Variants in OLFML2A observed in about 807,000 individuals in gnomAD.
OLFML2A encodes the protein olfactomedin like 2A.
In OLFML2A, 47 loss-of-function variants were observed where a neutral mutation model predicts 60.9. The observed-to-expected ratio is 0.77, with a 90% confidence interval of 0.61 to 0.98. The LOEUF is 0.98. Among genes scored for constraint, OLFML2A ranks in the 50% least tolerant of loss-of-function variants. The pLI, the probability that OLFML2A is intolerant of heterozygous loss-of-function variation, is 0.00. For synonymous variants in OLFML2A, 372 were observed against 375.0 expected (o/e 0.99, Z 0.09); for missense variants, 922 against 879.8 (o/e 1.05, Z -0.61).
intron 2 of OLFML2A, among the ~76,000 whole-genome samples, chr9:124,789,619 C>A (rs990181641): frequency 6.6e-6 from 1 of 152,244 alleles, no homozygotes; most frequent in Non-Finnish European, 1.5e-5. Flanking sequence ...GTTCACTCTA[C>A]AGCTAGATGG....
At position 124,810,414 on chromosome 9, in the gene OLFML2A, TG is replaced by T; in HGVS notation, c.*4del. 1 of 1,589,654 alleles carries T rather than the reference TG, an allele frequency of 6.3e-7. No individual in the cohort carries two copies. The highest frequency in any genetic ancestry group is 8.5e-7 in the Non-Finnish European group (1 of 1,172,572). ...TACACCCTCCACTTCGTGGTCTGAGTGGAGACCTGTGCTCCCCGGAGAGGGG... is the reference window on the plus strand; with the variant it reads ...TACACCCTCCACTTCGTGGTCTGAGTGAGACCTGTGCTCCCCGGAGAGGGG... On this transcript the variant is annotated 3_prime_UTR_variant, in exon 8 of 8. Transcript: ENST00000373580.
intron 2 of OLFML2A, among the ~76,000 whole-genome samples, chr9:124,790,378 T>C (rs1012221221): frequency 1.3e-5 from 2 of 152,132 alleles, no homozygotes; most frequent in African/African-American, 4.8e-5. Flanking sequence ...TTTCGCCATG[T>C]TGGCCAGGCT....
At chr9:124,792,172 G>C (rs1170900126) in intron 2 of OLFML2A, among the ~76,000 whole-genome samples, 1 of 152,128 alleles carries the variant, frequency 6.6e-6, no homozygotes, top group Non-Finnish European at 1.5e-5. Flanking sequence ...CAACTGTGTG[G>C]CACTACCTGT....
At chr9:124,798,791 T>C (rs568576555) in intron 3 of OLFML2A, among the ~76,000 whole-genome samples, 1 of 151,940 alleles carries the variant, frequency 6.6e-6, no homozygotes, top group East Asian at 1.9e-4. Context: ...AAATAAATTA[T>C]GGCCTTTAAG....
intron 5 of OLFML2A, 21 bp downstream of exon 5, chr9:124,801,684 G>T (rs752297939): frequency 1.2e-6 from 2 of 1,608,018 alleles, no homozygotes; most frequent in East Asian, 4.5e-5. Flanking sequence ...GGGGAATGGG[G>T]ACCCTGGGGA....
chr9:124,795,733 C>A (rs1157233200), intron 3 of OLFML2A, among the ~76,000 whole-genome samples: 2 of 152,168 alleles, frequency 1.3e-5, no homozygotes, highest in Admixed American at 1.3e-4. Flanking sequence ...CGAGATCGTG[C>A]CACAGCCTGG....
At chr9:124,809,038 G>C (rs1042932519) in intron 7 of OLFML2A, among the ~76,000 whole-genome samples, 1 of 151,900 alleles carries the variant, frequency 6.6e-6, no homozygotes, top group Non-Finnish European at 1.5e-5. Flanking sequence ...GTGGTGGCAG[G>C]CGCCTGTAAT....
In OLFML2A at chr9:124,795,138, G is replaced by T. The variant is rs1375293440; in HGVS notation, c.462+7G>T. 1.3e-6 allele frequency: 2 copies of T among 1,550,394 alleles called. No homozygotes were observed. The highest frequency in any genetic ancestry group is 3.5e-5 in the Admixed American group (2 of 56,952). ...GATGAACACACTGGAAGAGGTAAGG[G>T]CGGGGCTGCCGCCAGAGGCCAGGCT... is the stretch of plus-strand genomic sequence containing the variant. On this transcript the variant is annotated splice_region_variant and intron_variant, in intron 3 of 7. Transcript: ENST00000373580.
chr9:124,790,281 C>T (rs536503116), intron 2 of OLFML2A, among the ~76,000 whole-genome samples: 2 of 152,222 alleles, frequency 1.3e-5, no homozygotes, highest in East Asian at 3.9e-4. Context: ...AAGTGATTCT[C>T]ATCTCAGCCT....
Position 124,810,136 on chromosome 9 carries a change from C to G in OLFML2A, c.1683C>G (p.His561Gln). The G allele has an allele frequency of 3.7e-6, 6 of 1,613,940 alleles. No homozygotes were observed. Among genetic ancestry groups the G allele is most frequent in the Non-Finnish European group, 5.1e-6 (6 of 1,180,020 alleles). ...TGGACCCCGGCGATCTCTCCGTGCA[C>G]CGGGAGACCACGTGGAAGACACGGC... ...SRLDPGDLSV[H>Q]RETTWKTRLR... Residue 561 changes from histidine to glutamine, a missense_variant, in exon 8 of 8, where the codon CAC (histidine) becomes CAG (glutamine). Coordinates refer to ENST00000373580, the MANE Select transcript of OLFML2A (RefSeq NM_182487.4).
chr9:124,781,804 A>C (rs184741833), intron 1 of OLFML2A, among the ~76,000 whole-genome samples: 184 of 152,204 alleles, frequency 1.2e-3, no homozygotes, highest in Middle Eastern at 3.4e-3. Context: ...AAAAAAAAAA[A>C]AAAGACACAA....
intron 2 of OLFML2A, 45 bp downstream of exon 2, chr9:124,787,283 C>CT: frequency 6.4e-7 from 1 of 1,565,714 alleles, no homozygotes; most frequent in South Asian, 1.1e-5. Context: ...CTATCATGAG[C>CT]TGGAGCCTGC....
rs1413796421 is a variant in OLFML2A, at chr9:124,782,714, T to C, written c.91-4261T>C. Among the ~76,000 whole-genome samples the C allele has an allele frequency of 2.0e-5, 3 of 152,170 alleles. No homozygotes were observed. In the East Asian group the frequency reaches 5.8e-4, roughly 29 times the overall value. ...ACTGGGAGCAGAGGCCTTATTCCAA[T>C]TCCTGGCCCAGGTCAGGGCCTTGGC... On this transcript the variant is annotated intron_variant, in intron 1 of 7. Transcript: ENST00000373580.
intron 3 of OLFML2A, among the ~76,000 whole-genome samples, chr9:124,798,933 G>A (rs554351277): frequency 2.0e-5 from 3 of 152,198 alleles, no homozygotes; most frequent in Non-Finnish European, 2.9e-5. Context: ...ATGTGTTCCC[G>A]TAAATATACA....
Position 124,812,733 on chromosome 9 carries a change from A to G in OLFML2A, c.*2321A>G, listed in dbSNP as rs1289818231. 2 of 152,164 alleles carry G rather than the reference A, an allele frequency of 1.3e-5. No homozygotes were observed. The highest frequency in any genetic ancestry group is 6.5e-5 in the Admixed American group (1 of 15,272). 9.4% of individuals were successfully genotyped at this position (152,164 alleles called of 1,614,324 possible). ...GTGTCTTTCATGACATCATAGCCCAACCATGTGAGAAGAAGGAGAAGGCCC... is the reference window on the plus strand; with the variant it reads ...GTGTCTTTCATGACATCATAGCCCAGCCATGTGAGAAGAAGGAGAAGGCCC... On this transcript the variant is annotated 3_prime_UTR_variant, in exon 8 of 8. Coordinates refer to ENST00000373580, the MANE Select transcript of OLFML2A (RefSeq NM_182487.4).
At chr9:124,784,943 G>GTTTTTTTTGTTTTTTTTTTTTTTTTTTT (rs1841429970) in intron 1 of OLFML2A, among the ~76,000 whole-genome samples, 2 of 69,542 alleles carry the variant, frequency 2.9e-5, no homozygotes, top group African/African-American at 1.3e-4. Context: ...CCTTTTACTT[G>GTTTTTTTTGTTTTTTTTTTTTTTTTTTT]TTTTTTTTTT....
intron 2 of OLFML2A, 90 bp from the exon 3 acceptor site, chr9:124,794,934 T>G: frequency 5.5e-6 from 4 of 733,418 alleles, no homozygotes; most frequent in Non-Finnish European, 9.3e-6. Flanking sequence ...GGTTCTGGAG[T>G]TCTCAATTGC....
chr9:124,786,838 T>C lies in OLFML2A; in HGVS notation c.91-137T>C, dbSNP rs115219266. On this transcript the variant is annotated intron_variant, in intron 1 of 7. Coordinates refer to ENST00000373580, the MANE Select transcript of OLFML2A (RefSeq NM_182487.4). ...ATTAAAAGGGCTTCACCACCTCTAA[T>C]TGCACCCCCTCCTACCTGCCAAACA... 3.1e-3 allele frequency: 2,270 copies of C among 740,366 alleles called. 39 individuals are homozygous for C. The African/African-American group carries it at 0.037, about 12-fold the overall frequency. 45.9% of individuals were successfully genotyped at this position (740,366 alleles called of 1,614,324 possible). A position where few individuals can be genotyped will look rare whatever the true frequency, so the allele number is the denominator to read the frequency against.
In OLFML2A at chr9:124,779,042, G is replaced by C; in HGVS notation, c.90+1682G>C. On this transcript the variant is annotated intron_variant, in intron 1 of 7. Coordinates refer to ENST00000373580, the MANE Select transcript of OLFML2A (RefSeq NM_182487.4). The surrounding 1 kb of genome is among the most constrained non-coding windows in gnomAD (Gnocchi z 4.1). ...AACTCTCAGCCTGATTCAGCTCAGGGCATGAAAGCACCCACGTACAACGCT... is the reference window on the plus strand; with the variant it reads ...AACTCTCAGCCTGATTCAGCTCAGGCCATGAAAGCACCCACGTACAACGCT... The C allele has an allele frequency of 1.4e-6, 1 of 723,360 alleles. No individual in the cohort carries two copies. The highest frequency in any genetic ancestry group is 1.7e-6 in the Non-Finnish European group (1 of 590,602). The allele number at this position is 723,360 out of a possible 1,614,324, so 44.8% of individuals were successfully genotyped here.
Sources: allele counts gnomAD v4.1 joint callset (sites outside exome capture counted in the v4.1 genomes callset), GRCh38; gene constraint gnomAD v4.1.1; non-coding constraint Gnocchi (gnomAD v3.1); transcripts MANE v1.5; gene names NCBI Gene and HGNC (gene_info 2026-07-23, HGNC 2026-07-21).